Variants in SPON2 observed in about 807,000 individuals in gnomAD.
SPON2 encodes the protein spondin-2.
Under a neutral mutation model 29.9 loss-of-function variants are expected in SPON2, and 32 were observed. The observed-to-expected ratio is 1.07, with a 90% CI of 0.81 to 1.44. SPON2 has a LOEUF of 1.44. SPON2 is among the 40% of genes most tolerant of loss of function. The pLI is 0.00. For synonymous variants in SPON2, 248 were observed against 209.1 expected, an observed-to-expected ratio of 1.19 and a Z score of -1.61; for missense variants, 541 against 455.5, an observed-to-expected ratio of 1.19 and a Z score of -1.71.
At chr4:1,175,621 G>T (rs559334288), upstream of SPON2, among the ~76,000 whole-genome samples, 1 of 151,490 alleles carries the variant, frequency 6.6e-6, no homozygotes, top group South Asian at 2.1e-4. Context: ...GCCTGGGTGG[G>T]GGTTCTCCAG....
upstream of SPON2, among the ~76,000 whole-genome samples, chr4:1,197,660 A>C (rs1453572368): frequency 6.6e-6 from 1 of 151,586 alleles, no homozygotes; most frequent in Non-Finnish European, 1.5e-5. Flanking sequence ...CCAGAAATTA[A>C]TGAGTAGAAA....
intron 5 of SPON2, 195 bp from the exon 6 acceptor site, chr4:1,167,851 A>G (rs1338031921): frequency 7.8e-6 from 4 of 514,082 alleles, no homozygotes; most frequent in Non-Finnish European, 1.3e-5. Context: ...GACACAACCT[A>G]GGGACTGGAG....
Position 1,171,888 on chromosome 4 carries a change from G to C in SPON2, c.184C>G (p.Leu62Val). The C allele has an allele frequency of 6.2e-7, 1 of 1,612,938 alleles. No individual in the cohort carries two copies. Among genetic ancestry groups the C allele is most frequent in the Admixed American group, 1.7e-5 (1 of 60,026 alleles). Residue 62 changes from leucine to valine, a missense_variant, in exon 2 of 6, where the codon CTG becomes GTG. Transcript: ENST00000290902. ...GACCACTGCGCAGGGGGGCGGAACA[G>C]GGGGTACTGCTTGGGGAAGGCCGTC... ...SQTAFPKQYP[L>V]FRPPAQWSSL... is the part of the protein sequence containing the mutation.
At chr4:1,204,011 C>T (rs749006621) in intron 1 of SPON2, among the ~76,000 whole-genome samples, 5 of 152,138 alleles carry the variant, frequency 3.3e-5, no homozygotes, top group Non-Finnish European at 5.9e-5. Flanking sequence ...GCTGGGATTA[C>T]AGGCGTGCAC....
In SPON2 at chr4:1,167,535, G is replaced by T; in HGVS notation, c.933C>A (p.Asn311Lys). ...CGAGCTCGGGGCAGGGGCTCCCGTT[G>T]TTGGCGGGCTGGACCCGGACGTAGC... Reference protein sequence around the residue: ...RTRYVRVQPANNGSPCPELEE... With the variant: ...RTRYVRVQPAKNGSPCPELEE... Residue 311 changes from asparagine to lysine, a missense_variant, in exon 6 of 6, where the codon AAC becomes AAA. Transcript: ENST00000290902. 6.2e-7 allele frequency: 1 copy of T among 1,613,802 alleles called. No individual in the cohort carries two copies. The highest frequency in any genetic ancestry group is 8.5e-7 in the Non-Finnish European group (1 of 1,180,022).
intron 1 of SPON2, among the ~76,000 whole-genome samples, chr4:1,188,673 G>A (rs1727848839): frequency 6.6e-6 from 1 of 152,200 alleles, no homozygotes; most frequent in South Asian, 2.1e-4. Context: ...CAAGATACAT[G>A]AAGCCAAAGC....
chr4:1,167,740 G>A (rs1307724829), intron 5 of SPON2, 84 bp from the exon 6 acceptor site: 23 of 1,442,966 alleles, frequency 1.6e-5, no homozygotes, highest in Non-Finnish European at 1.9e-5. Flanking sequence ...CCACCAACGT[G>A]TGCATTCATC....
chr4:1,201,683 C>T (rs569107606), intron 1 of SPON2, among the ~76,000 whole-genome samples: 91 of 152,040 alleles, frequency 6.0e-4, no homozygotes, highest in Middle Eastern at 6.8e-3. Context: ...CCTGGGTTCA[C>T]GCCATCCTCC....
rs372717731 is a variant in SPON2 at position 1,180,164 on chromosome 4, C to T, written c.-238-623G>A. On this transcript the variant is annotated intron_variant, in intron 1 of 3. Transcript: ENST00000502483. ...CTATGCAAGCAGGAAGTGAGGGCTA[C>T]TGCAGAGTTGTTAACTGCCCGACTG... is the stretch of plus-strand genomic sequence containing the variant. Among the ~76,000 whole-genome samples, 241 of 152,228 alleles carry T rather than the reference C, an allele frequency of 1.6e-3. 7 individuals are homozygous for T. In the South Asian group the frequency reaches 0.048, roughly 31 times the overall value.
chr4:1,200,557 TAAA>T, intron 1 of SPON2: 1 of 336,304 alleles, frequency 3.0e-6, no homozygotes, highest in Non-Finnish European at 5.9e-6. Flanking sequence ...AGGGAACGTG[TAAA>T]CCATGAGCTC....
intron 1 of SPON2, among the ~76,000 whole-genome samples, chr4:1,193,567 G>C (rs912599508): frequency 2.1e-5 from 3 of 140,238 alleles, no homozygotes; most frequent in African/African-American, 8.0e-5. Flanking sequence ...GGTCACTCCC[G>C]TAGGACCTGC....
At chr4:1,168,040 G>A (rs1727303684) in intron 5 of SPON2, 1 of 202,848 alleles carries the variant, frequency 4.9e-6, no homozygotes, top group Non-Finnish European at 9.9e-6. Flanking sequence ...ACATTTACCC[G>A]AATAACAGAC....
In SPON2 at chr4:1,202,733, C is replaced by G. The variant is rs774886823; in HGVS notation, c.-234+5147G>C. ...GTGGGGACTCCGAGGCAGCTCCAAC[C>G]CCACGATGAGCCTCTGCCTGGGCCC... is the stretch of plus-strand genomic sequence containing the variant. On this transcript the variant is annotated intron_variant, in intron 1 of 3. Transcript: ENST00000509233. The surrounding 1 kb of genome is among the most constrained non-coding windows in gnomAD (Gnocchi z 5.4). Among the ~76,000 whole-genome samples, 25 of 152,216 alleles carry G rather than the reference C, an allele frequency of 1.6e-4. No homozygotes were observed. Among genetic ancestry groups the G allele is most frequent in the Non-Finnish European group, 3.1e-4 (21 of 68,028 alleles).
In SPON2 at chr4:1,180,429, A is replaced by G. The variant is rs182345617; in HGVS notation, c.-238-888T>C. Among the ~76,000 whole-genome samples the G allele has an allele frequency of 2.6e-5, 4 of 152,370 alleles. No individual in the cohort carries two copies. The East Asian group carries it at 7.7e-4, about 29-fold the overall frequency. ...GGTGTATCTGGTTTCTGGAGTTGCCACATTATACTATTTAAAATGTTCATT... is the reference window on the plus strand; with the variant it reads ...GGTGTATCTGGTTTCTGGAGTTGCCGCATTATACTATTTAAAATGTTCATT... On this transcript the variant is annotated intron_variant, in intron 1 of 3. Transcript: ENST00000502483.
Position 1,170,440 on chromosome 4 carries a change from A to G in SPON2, c.773T>C (p.Leu258Pro). Residue 258 changes from leucine (L) to proline (P), a missense_variant, in exon 5 of 6, where the codon CTG becomes CCG. Leu to Pro is a moderately conservative substitution (Grantham distance 98, BLOSUM62 -3). Coordinates refer to ENST00000290902, the MANE Select transcript of SPON2 (RefSeq NM_012445.4). ...TACAATCTCATTGTCCCTGCTGGGC[A>G]GGACTGGGGCGGGAGGGATGAAGGC... Reference protein sequence around the residue: ...PRAFIPPAPVLPSRDNEIVDS... With the variant: ...PRAFIPPAPVPPSRDNEIVDS... The G allele has an allele frequency of 1.2e-6, 2 of 1,613,832 alleles. No individual in the cohort carries two copies. The highest frequency in any genetic ancestry group is 1.3e-5 in the African/African-American group (1 of 75,036).
At chr4:1,176,566 AT>A (rs765647122), upstream of SPON2, among the ~76,000 whole-genome samples, 2 of 151,496 alleles carry the variant, frequency 1.3e-5, no homozygotes, top group African/African-American at 2.4e-5. Flanking sequence ...CAGTACATTC[AT>A]TCAAGCATCC....
intron 1 of SPON2, among the ~76,000 whole-genome samples, chr4:1,185,415 C>T (rs1727772821): frequency 6.6e-6 from 1 of 151,624 alleles, no homozygotes; most frequent in Admixed American, 6.6e-5. Flanking sequence ...AAAACCTGGA[C>T]ATCCACATGC....
upstream of SPON2, among the ~76,000 whole-genome samples, chr4:1,175,137 C>T (rs746913071): frequency 4.6e-5 from 7 of 152,264 alleles, no homozygotes; most frequent in Non-Finnish European, 1.0e-4. Flanking sequence ...CATCCCTGGA[C>T]AATCCTCGCT....
chr4:1,195,947 G>A (rs1274122550), upstream of SPON2, among the ~76,000 whole-genome samples: 2 of 152,226 alleles, frequency 1.3e-5, no homozygotes, highest in African/African-American at 4.8e-5. Flanking sequence ...GCCTTGTTGA[G>A]TTGGTGACTT....
Sources: allele counts gnomAD v4.1 joint callset (sites outside exome capture counted in the v4.1 genomes callset), GRCh38; gene constraint gnomAD v4.1.1; non-coding constraint Gnocchi (gnomAD v3.1); transcripts MANE v1.5; gene names NCBI Gene and HGNC (gene_info 2026-07-23, HGNC 2026-07-21).